The following WDTC1 variants were observed in gnomAD, a reference collection of about 807,000 sequenced individuals.
The protein encoded by WDTC1 is WD and tetratricopeptide repeats 1.
A neutral mutation model predicts 76.0 loss-of-function variants in WDTC1; 12 were observed. The ratio of observed to expected loss-of-function variants is 0.16; its 90% CI spans 0.10 to 0.26. The LOEUF (loss-of-function observed/expected upper bound fraction) is 0.26. Among genes scored for constraint, WDTC1 ranks in the 10% least tolerant of loss-of-function variants. The probability of loss-of-function intolerance (pLI) is 1.00; values close to 1 mark genes in which losing one functional copy is unlikely to be tolerated. For missense variants in WDTC1, 511 were observed against 908.8 expected, an observed-to-expected ratio of 0.56 and a Z score of 5.63; for synonymous variants, 326 against 350.8, an observed-to-expected ratio of 0.93 and a Z score of 0.79.
At chr1:27,281,680 C>T (rs2013195642) in intron 3 of WDTC1, among the ~76,000 whole-genome samples, 1 of 152,014 alleles carries the variant, frequency 6.6e-6, no homozygotes, top group Admixed American at 6.6e-5. Context: ...CCTCCACCTC[C>T]CAGGCTCAAG....
chr1:27,262,613 C>T (rs1202879140), intron 2 of WDTC1, among the ~76,000 whole-genome samples: 1 of 152,012 alleles, frequency 6.6e-6, no homozygotes, highest in African/African-American at 2.4e-5. Flanking sequence ...GTCTTGAACT[C>T]CTGACCTCAG....
rs989295380 is a variant in WDTC1, at chr1:27,271,973, C to T, written c.132+8738C>T. On this transcript the variant is annotated intron_variant, in intron 3 of 15. Transcript: ENST00000319394. ...TTTTAAATAAAAAATAGGCTAGGCACGGTGGCTCACTCCTGTAATCCCAGC... is the reference window on the plus strand; with the variant it reads ...TTTTAAATAAAAAATAGGCTAGGCATGGTGGCTCACTCCTGTAATCCCAGC... 2.0e-4 allele frequency among the ~76,000 whole-genome samples: 30 copies of T among 148,080 alleles called. 1 individual carries two copies. In the South Asian group the frequency reaches 6.6e-3, roughly 33 times the overall value.
At chr1:27,250,452 G>A (rs769022536) in intron 1 of WDTC1, among the ~76,000 whole-genome samples, 18 of 152,032 alleles carry the variant, frequency 1.2e-4, no homozygotes, top group Admixed American at 2.6e-4. Flanking sequence ...ACCCAGCCCT[G>A]TTATGTATTT....
intron 1 of WDTC1, among the ~76,000 whole-genome samples, chr1:27,236,378 C>T (rs2011490327): frequency 6.6e-6 from 1 of 152,138 alleles, no homozygotes; most frequent in South Asian, 2.1e-4. Context: ...AGTTTGTGAT[C>T]ATGCTGCTTT....
At chr1:27,262,330 T>G (rs1036753412) in intron 2 of WDTC1, among the ~76,000 whole-genome samples, 23 of 152,150 alleles carry the variant, frequency 1.5e-4, no homozygotes, top group Admixed American at 1.4e-3. Flanking sequence ...ACATGAGCCA[T>G]GTACTTGGCA....
chr1:27,251,587 A>G, intron 1 of WDTC1, among the ~76,000 whole-genome samples: 1 of 152,080 alleles, frequency 6.6e-6, no homozygotes, highest in East Asian at 1.9e-4. Flanking sequence ...TGGGGAGCTG[A>G]AGCAGGAGGA....
In WDTC1 at chr1:27,260,990, GCTGGAATGCTCA is replaced by G. The variant is rs2147931605; in HGVS notation, c.-64_-53del. On this transcript the variant is annotated 5_prime_UTR_variant, in exon 2 of 16. The change abolishes an upstream ATG in the 5' untranslated region. Coordinates refer to ENST00000319394, the MANE Select transcript of WDTC1 (RefSeq NM_001276252.2). ...TGTGTATTTTGTGGACCTGGGCTTGGCTGGAATGCTCAGGGGTCCTGAAGATCCTATTATAGC... is the reference window on the plus strand; with the variant it reads ...TGTGTATTTTGTGGACCTGGGCTTGGGGGGTCCTGAAGATCCTATTATAGC... 1 of 1,569,474 alleles carries G rather than the reference GCTGGAATGCTCA, an allele frequency of 6.4e-7. No individual in the cohort carries two copies. Among genetic ancestry groups the G allele is most frequent in the East Asian group, 2.2e-5 (1 of 44,646 alleles).
At chr1:27,269,353 A>T (rs977373235) in intron 3 of WDTC1, among the ~76,000 whole-genome samples, 1 of 150,600 alleles carries the variant, frequency 6.6e-6, no homozygotes, top group East Asian at 2.0e-4. Context: ...AAAAAAAAAA[A>T]GTACAAAACA....
chr1:27,292,203 C>G lies in WDTC1; in HGVS notation c.480-12C>G. ...CCAAGCCCCAATTCCCTAACTCTGT[C>G]CTCTCTCACAGCCAGTATGACCTTC... On this transcript the variant is annotated splice_polypyrimidine_tract_variant and intron_variant, in intron 6 of 15. Coordinates refer to ENST00000319394, the MANE Select transcript of WDTC1 (RefSeq NM_001276252.2). The G allele has an allele frequency of 6.5e-7, 1 of 1,545,934 alleles. No individual in the cohort carries two copies. The highest frequency in any genetic ancestry group is 8.8e-7 in the Non-Finnish European group (1 of 1,140,284).
chr1:27,293,705 G>C (rs1037182543), intron 7 of WDTC1, among the ~76,000 whole-genome samples: 1 of 152,104 alleles, frequency 6.6e-6, no homozygotes, highest in African/African-American at 2.4e-5. Flanking sequence ...TCATTCATGG[G>C]CTTGGTGACC....
intron 12 of WDTC1, 47 bp downstream of exon 12, chr1:27,298,158 G>A (rs1474125328): frequency 3.3e-6 from 5 of 1,510,180 alleles, no homozygotes; most frequent in South Asian, 1.3e-5. Context: ...GAGGGAGAAA[G>A]CAGCTGGACC....
intron 1 of WDTC1, among the ~76,000 whole-genome samples, chr1:27,235,394 C>CTGTGTGTGTG (rs139665541): frequency 8.5e-5 from 12 of 141,216 alleles, no homozygotes; most frequent in Non-Finnish European, 1.5e-4. Context: ...CTCTCTCTTT[C>CTGTGTGTGTG]TGTGTGTGTG....
chr1:27,249,276 A>AAG (rs1446355321), intron 1 of WDTC1, among the ~76,000 whole-genome samples: 1 of 151,554 alleles, frequency 6.6e-6, no homozygotes, highest in African/African-American at 2.4e-5. Context: ...CAAAAAAAAA[A>AAG]AAAAGCCATA....
At chr1:27,277,857 T>C (rs2013076676) in intron 3 of WDTC1, among the ~76,000 whole-genome samples, 1 of 152,174 alleles carries the variant, frequency 6.6e-6, no homozygotes, top group African/African-American at 2.4e-5. Context: ...AAAAAATTTT[T>C]TGAGACAGAG....
intron 1 of WDTC1, among the ~76,000 whole-genome samples, chr1:27,253,473 CTCTTCT>C (rs1004874868): frequency 7.8e-5 from 10 of 128,362 alleles, no homozygotes; most frequent in Non-Finnish European, 9.6e-5. Flanking sequence ...CTTCCTCTTC[CTCTTCT>C]TCTCTCTTTC....
chr1:27,247,391 A>G (rs886384986), intron 1 of WDTC1, among the ~76,000 whole-genome samples: 2 of 151,980 alleles, frequency 1.3e-5, no homozygotes, highest in African/African-American at 4.8e-5. Flanking sequence ...AACTCATGTC[A>G]TGGTGGTTTG....
At position 27,294,125 on chromosome 1, in the gene WDTC1, C is replaced by T. The variant is rs754780314; in HGVS notation, c.757+9C>T. On this transcript the variant is annotated intron_variant, in intron 8 of 15. Transcript: ENST00000319394. ...CCAGTATTACGTAGCAGGTAGCGCT[C>T]AGCACAGCTCTGGCCCCAAACTCTC... The T allele has an allele frequency of 2.5e-6, 4 of 1,613,110 alleles. No individual in the cohort carries two copies. The South Asian group carries it at 4.4e-5, about 18-fold the overall frequency.
Position 27,306,632 on chromosome 1 carries a change from C to A in WDTC1, c.*249C>A, listed in dbSNP as rs1044571566. The stretch of plus-strand genomic sequence containing the variant: ...CAGGAGGGGACACCCCTCCATATGC[C>A]CCCCCCCATCTCCTGCTTTCATGTC... On this transcript the variant is annotated 3_prime_UTR_variant, in exon 16 of 16. Transcript: ENST00000319394. This position sits in a 1 kb window ranked among gnomAD's most constrained non-coding sequence, Gnocchi z 5.0. 10 of 547,436 alleles carry A rather than the reference C, an allele frequency of 1.8e-5. No individual in the cohort carries two copies. Among genetic ancestry groups the A allele is most frequent in the East Asian group, 6.3e-5 (2 of 31,936 alleles). 33.9% of individuals were successfully genotyped at this position (547,436 alleles called of 1,614,324 possible). A position where few individuals can be genotyped will look rare whatever the true frequency, so the allele number is the denominator to read the frequency against.
intron 1 of WDTC1, among the ~76,000 whole-genome samples, chr1:27,237,834 C>G (rs2011523619): frequency 7.3e-6 from 1 of 136,086 alleles, no homozygotes; most frequent in Admixed American, 8.4e-5. Flanking sequence ...GCACTCCAGC[C>G]TGGGCAACAA....
Sources: allele counts gnomAD v4.1 joint callset (sites outside exome capture counted in the v4.1 genomes callset), GRCh38; gene constraint gnomAD v4.1.1; non-coding constraint Gnocchi (gnomAD v3.1); transcripts MANE v1.5; gene names NCBI Gene and HGNC (gene_info 2026-07-23, HGNC 2026-07-21).